The following SLC4A10 variants were observed in gnomAD, a reference collection of about 807,000 sequenced individuals.
SLC4A10 encodes solute carrier family 4 member 10.
A neutral mutation model predicts 137.7 loss-of-function variants in SLC4A10; 42 were observed. The ratio of observed to expected loss-of-function variants is 0.30; its 90% CI spans 0.24 to 0.39. The LOEUF (loss-of-function observed/expected upper bound fraction) is 0.39, where lower values mean the gene tolerates loss of function less well. Among genes scored for constraint, SLC4A10 ranks in the 10% least tolerant of loss-of-function variants. The pLI is 1.00. For synonymous variants in SLC4A10, 474 were observed against 464.1 expected, an observed-to-expected ratio of 1.02 and a Z score of -0.27; for missense variants, 925 against 1,355.0, an observed-to-expected ratio of 0.68 and a Z score of 4.98.
intron 5 of SLC4A10, among the ~76,000 whole-genome samples, chr2:161,862,572 A>G (rs537895451): frequency 2.0e-5 from 3 of 152,288 alleles, no homozygotes; most frequent in Admixed American, 1.3e-4. Context: ...TAATAAATAA[A>G]TAAAGAACTT....
intron 11 of SLC4A10, among the ~76,000 whole-genome samples, chr2:161,898,654 A>C (rs1300463677): frequency 6.6e-6 from 1 of 152,132 alleles, no homozygotes; most frequent in Non-Finnish European, 1.5e-5. Flanking sequence ...GAAAATGTTC[A>C]TTAGAACTTT....
At chr2:161,654,542 T>C (rs1158165745) in intron 1 of SLC4A10, among the ~76,000 whole-genome samples, 1 of 152,188 alleles carries the variant, frequency 6.6e-6, no homozygotes, top group African/African-American at 2.4e-5. Flanking sequence ...ACATCCATTT[T>C]GAGTAAATTT....
intron 2 of SLC4A10, among the ~76,000 whole-genome samples, chr2:161,780,199 A>G (rs181792188): frequency 1.3e-3 from 204 of 152,188 alleles, no homozygotes; most frequent in Admixed American, 2.4e-3. Context: ...ATGACAAAAT[A>G]TGTATTTATT....
chr2:161,654,153 A>T (rs1262137648), intron 1 of SLC4A10, among the ~76,000 whole-genome samples: 1 of 152,194 alleles, frequency 6.6e-6, no homozygotes, highest in Non-Finnish European at 1.5e-5. Flanking sequence ...GTCTTTTCAT[A>T]TAACACTGGC....
At chr2:161,633,011 C>T (rs1306881103) in intron 1 of SLC4A10, among the ~76,000 whole-genome samples, 1 of 151,380 alleles carries the variant, frequency 6.6e-6, no homozygotes, top group Non-Finnish European at 1.5e-5. Context: ...GTATATATAT[C>T]CTGATGATTT....
At chr2:161,859,987 A>G (rs1043139792) in intron 5 of SLC4A10, among the ~76,000 whole-genome samples, 3 of 152,164 alleles carry the variant, frequency 2.0e-5, no homozygotes, top group Non-Finnish European at 2.9e-5. Context: ...TCTGGACCCA[A>G]CGTCATTATG....
intron 1 of SLC4A10, among the ~76,000 whole-genome samples, chr2:161,657,234 A>G (rs1289197579): frequency 1.3e-5 from 2 of 152,044 alleles, no homozygotes; most frequent in African/African-American, 2.4e-5. Flanking sequence ...ATTTCAGTTT[A>G]TCTATCTGAA....
chr2:161,872,399 CTCTCA>C lies in SLC4A10; in HGVS notation c.858+19_858+23del. On this transcript the variant is annotated intron_variant, in intron 7 of 26. Transcript: ENST00000446997. ...ACTTTAGCAAGGTGAGCTTTTCTCC[CTCTCA>C]TCTAAGTAAGTTGCTAAATTACTAC... The C allele has an allele frequency of 6.2e-7, 1 of 1,600,502 alleles. No individual in the cohort carries two copies. Among genetic ancestry groups the C allele is most frequent in the Non-Finnish European group, 8.6e-7 (1 of 1,168,360 alleles).
At chr2:161,798,259 T>C (rs1224011506) in intron 2 of SLC4A10, among the ~76,000 whole-genome samples, 1 of 152,000 alleles carries the variant, frequency 6.6e-6, no homozygotes, top group Non-Finnish European at 1.5e-5. Context: ...CCTTTTTGTA[T>C]GATTGACACA....
At chr2:161,795,129 C>T (rs530852059) in intron 2 of SLC4A10, among the ~76,000 whole-genome samples, 64 of 152,160 alleles carry the variant, frequency 4.2e-4, no homozygotes, top group African/African-American at 1.3e-3. Flanking sequence ...TGTGCCTCCC[C>T]TCACAAGGCA....
chr2:161,651,574 G>T (rs572052999), intron 1 of SLC4A10, among the ~76,000 whole-genome samples: 27 of 152,146 alleles, frequency 1.8e-4, no homozygotes, highest in Non-Finnish European at 2.6e-4. Context: ...CCCTCTTTGG[G>T]GCTCTGCGGT....
At position 161,698,182 on chromosome 2, in the gene SLC4A10, G is replaced by T. The variant is rs2042743818; in HGVS notation, c.49-72791G>T. On this transcript the variant is annotated intron_variant, in intron 1 of 26. Coordinates refer to ENST00000446997, the MANE Select transcript of SLC4A10 (RefSeq NM_001178015.2). ...TCTGTCTTGAGACTTTGCTGAAGTTGCTTCCCAGCTTAAGGAGATTTTGGG... is the reference window on the plus strand; with the variant it reads ...TCTGTCTTGAGACTTTGCTGAAGTTTCTTCCCAGCTTAAGGAGATTTTGGG... Among the ~76,000 whole-genome samples the T allele has an allele frequency of 2.0e-5, 3 of 152,194 alleles. 1 individual carries two copies. The South Asian group carries it at 6.2e-4, about 31-fold the overall frequency.
At chr2:161,915,541 T>A (rs116244505) in intron 15 of SLC4A10, among the ~76,000 whole-genome samples, 1,531 of 152,276 alleles carry the variant, frequency 0.01, 20 homozygotes, top group African/African-American at 0.034. Context: ...ACCTAGCTGA[T>A]AACACACTGC....
chr2:161,764,172 C>T (rs1475610286), intron 1 of SLC4A10, among the ~76,000 whole-genome samples: 1 of 151,956 alleles, frequency 6.6e-6, no homozygotes, highest in Non-Finnish European at 1.5e-5. Context: ...TGTTATACAG[C>T]TATAAAATGA....
chr2:161,978,407 GAAAAAGA>G (rs1699742386), intron 26 of SLC4A10, among the ~76,000 whole-genome samples: 11 of 123,284 alleles, frequency 8.9e-5, no homozygotes, highest in Non-Finnish European at 1.6e-4. Flanking sequence ...AAAAAGAAAA[GAAAAAGA>G]AAAAGAAAAA....
At chr2:161,719,575 C>A (rs1418378026) in intron 1 of SLC4A10, among the ~76,000 whole-genome samples, 1 of 152,070 alleles carries the variant, frequency 6.6e-6, no homozygotes, top group Non-Finnish European at 1.5e-5. Flanking sequence ...TGTTTCCTGA[C>A]TTTTTAATGA....
rs189064134 is a variant in SLC4A10, at chr2:161,676,133, G to A, written c.48+51567G>A. The stretch of plus-strand genomic sequence containing the variant: ...TTGTGGGTATGCCTTGTATACTTAC[G>A]TGGGCAGAGAGCTGTCATCAGATGA... On this transcript the variant is annotated intron_variant, in intron 1 of 26. Coordinates refer to ENST00000446997, the MANE Select transcript of SLC4A10 (RefSeq NM_001178015.2). 1.5e-3 allele frequency among the ~76,000 whole-genome samples: 225 copies of A among 152,252 alleles called. 1 individual carries two copies. The highest frequency in any genetic ancestry group is 5.0e-3 in the African/African-American group (208 of 41,546).
intron 1 of SLC4A10, among the ~76,000 whole-genome samples, chr2:161,696,360 T>A (rs921508974): frequency 2.7e-5 from 4 of 150,608 alleles, no homozygotes; most frequent in Admixed American, 6.6e-5. Context: ...AATGTGCAGG[T>A]TAGTTACATA....
intron 23 of SLC4A10, among the ~76,000 whole-genome samples, chr2:161,972,513 T>C (rs1467516787): frequency 1.3e-5 from 2 of 152,130 alleles, no homozygotes; most frequent in Non-Finnish European, 2.9e-5. Flanking sequence ...TTAGTTCTAA[T>C]AGTGTGGCCA....
Sources: gnomAD v4.1 joint callset for allele counts (sites outside exome capture counted in the v4.1 genomes callset) on GRCh38, gnomAD v4.1.1 for gene constraint, MANE v1.5 for transcripts, NCBI Gene and HGNC (gene_info 2026-07-23, HGNC 2026-07-21) for gene names.